The following LEMD3 variants were observed in gnomAD, a reference collection of about 807,000 sequenced individuals.
The protein encoded by LEMD3 is LEM domain containing 3, also known as inner nuclear membrane protein Man1.
In LEMD3, 33 loss-of-function variants were observed where a neutral mutation model predicts 95.2. The ratio of observed to expected loss-of-function variants is 0.35; its 90% CI spans 0.26 to 0.46. The LOEUF (loss-of-function observed/expected upper bound fraction) is 0.46. LEMD3 is among the 20% of genes least tolerant of loss of function. LEMD3 has a pLI of 1.00. For missense variants in LEMD3, 1,210 were observed against 1,192.8 expected, an observed-to-expected ratio of 1.01 and a Z score of -0.21; for synonymous variants, 525 against 474.6, an observed-to-expected ratio of 1.11 and a Z score of -1.38.
intron 2 of LEMD3, among the ~76,000 whole-genome samples, chr12:65,212,043 T>C (rs1869953861): frequency 6.6e-6 from 1 of 151,998 alleles, no homozygotes; most frequent in African/African-American, 2.4e-5. Flanking sequence ...AGAGGTTTAA[T>C]TGACTCACAG....
At position 65,247,610 on chromosome 12, in the gene LEMD3, A is replaced by G. The variant is rs1168066255; in HGVS notation, c.*1285A>G. The G allele has an allele frequency of 6.6e-6, 1 of 152,320 alleles. No individual in the cohort carries two copies. Among genetic ancestry groups the G allele is most frequent in the Non-Finnish European group, 1.5e-5 (1 of 68,010 alleles). 9.4% of individuals were successfully genotyped at this position (152,320 alleles called of 1,614,324 possible). On this transcript the variant is annotated 3_prime_UTR_variant, in exon 13 of 13. Transcript: ENST00000308330. ...GTAATCTACAATTGGCTTTTTAAAA[A>G]TAACCTGTTGATATATAATTGTCAG...
intron 4 of LEMD3, among the ~76,000 whole-genome samples, chr12:65,227,131 A>G (rs1178076747): frequency 6.6e-6 from 1 of 152,198 alleles, no homozygotes; most frequent in Non-Finnish European, 1.5e-5. Flanking sequence ...AGGCAAAAAA[A>G]GGGATTGGAT....
chr12:65,200,737 A>G (rs73314748), intron 1 of LEMD3, among the ~76,000 whole-genome samples: 5,307 of 152,154 alleles, frequency 0.035, 198 homozygotes, highest in African/African-American at 0.09. Flanking sequence ...TGTCTTGCAA[A>G]TATTTCCTGA....
chr12:65,228,570 G>GT (rs934380741), intron 4 of LEMD3, among the ~76,000 whole-genome samples: 9 of 151,600 alleles, frequency 5.9e-5, no homozygotes, highest in Non-Finnish European at 1.2e-4. Flanking sequence ...TAATTTTTTT[G>GT]TATGTTTAGT....
Position 65,169,809 on chromosome 12 carries a change from G to T in LEMD3, c.213G>T (p.Thr71=), listed in dbSNP as rs752234472. ...NKTRNSNNNN[T]AAATVAAAGP... ...CGCGGAACAGTAATAACAATAACACGGCAGCCGCCACGGTCGCAGCCGCGG... is the reference window on the plus strand; with the variant it reads ...CGCGGAACAGTAATAACAATAACACTGCAGCCGCCACGGTCGCAGCCGCGG... Residue 71 remains threonine, a synonymous_variant, in exon 1 of 13, where the codon ACG becomes ACT. Transcript: ENST00000308330. 3 of 1,505,206 alleles carry T rather than the reference G, an allele frequency of 2.0e-6. No individual in the cohort carries two copies. Among genetic ancestry groups the T allele is most frequent in the East Asian group, 4.9e-5 (2 of 40,438 alleles). 93.2% of individuals were successfully genotyped at this position (1,505,206 alleles called of 1,614,324 possible).
chr12:65,218,667 A>T, intron 4 of LEMD3, 48 bp downstream of exon 4: 1 of 1,039,720 alleles, frequency 9.6e-7, no homozygotes, highest in Non-Finnish European at 1.5e-6. Flanking sequence ...AAAAAATTAT[A>T]TAAATCATTG....
chr12:65,226,436 C>T (rs928667721), intron 4 of LEMD3, among the ~76,000 whole-genome samples: 1 of 152,104 alleles, frequency 6.6e-6, no homozygotes, highest in African/African-American at 2.4e-5. Flanking sequence ...TTTGTTGAAT[C>T]GGTGTCTCAT....
chr12:65,240,235 A>G lies in LEMD3; in HGVS notation c.2123A>G (p.Asp708Gly). 6 of 1,604,898 alleles carry G rather than the reference A, an allele frequency of 3.7e-6. No homozygotes were observed. The highest frequency in any genetic ancestry group is 5.1e-6 in the Non-Finnish European group (6 of 1,171,710). Residue 708 changes from aspartate (D) to glycine (G), a missense_variant, in exon 8 of 13, where the codon GAC becomes GGC. By Grantham distance (94) the Asp-to-Gly change is moderately conservative. Coordinates refer to ENST00000308330, the MANE Select transcript of LEMD3 (RefSeq NM_014319.5). ...HVRDSLIQPH[D>G]RKKMKKVWDR... ...CGCGATTCCTTAATACAGCCTCATG[A>G]CAGGTGTGTTCAAAGCATTATGAGT...
chr12:65,218,437 T>G, intron 3 of LEMD3, 115 bp from the exon 4 acceptor site: 2 of 569,270 alleles, frequency 3.5e-6, no homozygotes, highest in Non-Finnish European at 6.2e-6. Context: ...CTTTACTGAT[T>G]ATAATAATAT....
rs376326414 is a variant in LEMD3, at chr12:65,171,268, T to C, written c.1522+150T>C. ...ACAGTGCGTGCATGTGTCATCTTTCTTAAAGAACACCATTATCGAAATGAT... is the reference window on the plus strand; with the variant it reads ...ACAGTGCGTGCATGTGTCATCTTTCCTAAAGAACACCATTATCGAAATGAT... On this transcript the variant is annotated intron_variant, in intron 1 of 12. Transcript: ENST00000308330. The C allele has an allele frequency of 2.4e-5, 33 of 1,359,772 alleles. 1 individual carries two copies. In the African/African-American group the frequency reaches 4.5e-4, roughly 18 times the overall value. 84.2% of individuals were successfully genotyped at this position (1,359,772 alleles called of 1,614,324 possible). A position where few individuals can be genotyped will look rare whatever the true frequency, so the allele number is the denominator to read the frequency against.
intron 4 of LEMD3, among the ~76,000 whole-genome samples, chr12:65,223,294 T>A (rs1565794036): frequency 6.7e-6 from 1 of 149,594 alleles, no homozygotes; most frequent in Non-Finnish European, 1.5e-5. Flanking sequence ...TTGTCTCATG[T>A]GATGATTTTT....
chr12:65,245,613 A>G, intron 10 of LEMD3, 56 bp from the exon 11 acceptor site: 1 of 1,192,438 alleles, frequency 8.4e-7, no homozygotes, highest in East Asian at 2.3e-5. Context: ...GAGACAGTGA[A>G]GAATTTTTAC....
At chr12:65,224,517 A>C (rs1870391163) in intron 4 of LEMD3, among the ~76,000 whole-genome samples, 1 of 150,682 alleles carries the variant, frequency 6.6e-6, no homozygotes, top group Non-Finnish European at 1.5e-5. Context: ...CCCCCCTACC[A>C]CACACACACA....
In LEMD3 at chr12:65,241,034, C is replaced by T. The variant is rs1350579401; in HGVS notation, c.2252C>T (p.Ser751Phe). The T allele has an allele frequency of 1.2e-6, 2 of 1,614,074 alleles. No individual in the cohort carries two copies. ...DFLVWRWIQP[S>F]ASCDKILVIP... ...CTGGTTTGGCGGTGGATCCAGCCTT[C>T]TGCATCCTGTGACAAAATATTAGTT... is the stretch of plus-strand genomic sequence containing the variant. Residue 751 changes from serine (S) to phenylalanine (F), a missense_variant, in exon 9 of 13, where the codon TCT becomes TTT. Ser to Phe is a radical substitution (Grantham distance 155). This residue lies in a region of LEMD3 where 461 missense variants were observed against 569.8 expected (regional missense o/e 0.81). Transcript: ENST00000308330.
chr12:65,230,733 A>T (rs1870600094), intron 4 of LEMD3, among the ~76,000 whole-genome samples: 1 of 152,144 alleles, frequency 6.6e-6, no homozygotes, highest in Admixed American at 6.5e-5. Context: ...TCCAATTTGG[A>T]TGCCCTTTAT....
chr12:65,177,852 T>TC, intron 1 of LEMD3, among the ~76,000 whole-genome samples: 1 of 151,910 alleles, frequency 6.6e-6, no homozygotes, highest in African/African-American at 2.4e-5. Context: ...TTTTTTTTTT[T>TC]TTTCAATATG....
At chr12:65,178,632 TG>T (rs2136317971) in intron 1 of LEMD3, among the ~76,000 whole-genome samples, 1 of 152,236 alleles carries the variant, frequency 6.6e-6, no homozygotes, top group East Asian at 1.9e-4. Context: ...TAGCATTAAC[TG>T]TGTTCCAGGC....
intron 4 of LEMD3, among the ~76,000 whole-genome samples, chr12:65,229,108 C>A (rs1443021343): frequency 6.6e-6 from 1 of 152,078 alleles, no homozygotes; most frequent in African/African-American, 2.4e-5. Flanking sequence ...ACTTGGACTT[C>A]TAACTCATTT....
intron 2 of LEMD3, among the ~76,000 whole-genome samples, chr12:65,213,320 G>T (rs1219910672): frequency 6.6e-6 from 1 of 152,014 alleles, no homozygotes; most frequent in Non-Finnish European, 1.5e-5. Context: ...CAACCTCCTG[G>T]GCTCAAGTTA....
Sources: gnomAD v4.1 joint callset for allele counts (sites outside exome capture counted in the v4.1 genomes callset) on GRCh38, gnomAD v4.1.1 for gene constraint, gnomAD v4.1.1 regional missense constraint, MANE v1.5 for transcripts, NCBI Gene and HGNC (gene_info 2026-07-23, HGNC 2026-07-21) for gene names.